Variants in RAB3GAP1 observed in about 807,000 individuals in gnomAD.
RAB3GAP1 encodes rab3 GTPase-activating protein catalytic subunit.
In RAB3GAP1, 86 loss-of-function variants were observed where a neutral mutation model predicts 130.7. The observed-to-expected ratio is 0.66, with a 90% confidence interval of 0.55 to 0.79. The LOEUF is 0.79. RAB3GAP1 is among the 30% of genes least tolerant of loss of function. RAB3GAP1 has a pLI of 0.00. For missense variants in RAB3GAP1, 1,029 were observed against 1,169.4 expected, an observed-to-expected ratio of 0.88 and a Z score of 1.75; for synonymous variants, 367 against 401.7, an observed-to-expected ratio of 0.91 and a Z score of 1.03.
At chr2:135,058,589 T>A (rs1689085781) in intron 3 of RAB3GAP1, 1 of 152,220 alleles carries the variant, frequency 6.6e-6, no homozygotes, top group Non-Finnish European at 1.5e-5. Flanking sequence ...CTTTTAAGCT[T>A]TTTAACTTAT....
chr2:135,060,999 C>T (rs951663702), intron 3 of RAB3GAP1, among the ~76,000 whole-genome samples: 1 of 134,642 alleles, frequency 7.4e-6, no homozygotes, highest in Non-Finnish European at 1.5e-5. Flanking sequence ...CCACTGGGCC[C>T]AGCCTTTTTT....
rs758732726 is a variant in RAB3GAP1, at chr2:135,126,550, T to A, written c.900-33T>A. ...TCATGAATCTTGCAGATTGTCATAA[T>A]TAGGATTTTATATTTATTGGTTTGC... is the stretch of plus-strand genomic sequence containing the variant. On this transcript the variant is annotated intron_variant, in intron 10 of 23. Coordinates refer to ENST00000264158, the MANE Select transcript of RAB3GAP1 (RefSeq NM_012233.3). 5 of 1,544,738 alleles carry A rather than the reference T, an allele frequency of 3.2e-6. No individual in the cohort carries two copies. In the African/African-American group the frequency reaches 5.5e-5, roughly 17 times the overall value.
At chr2:135,085,435 C>T (rs930873211) in intron 3 of RAB3GAP1, among the ~76,000 whole-genome samples, 3 of 152,004 alleles carry the variant, frequency 2.0e-5, no homozygotes, top group Admixed American at 6.6e-5. Context: ...AAGATAACCA[C>T]GTGGAAGAAG....
intron 3 of RAB3GAP1, among the ~76,000 whole-genome samples, chr2:135,064,392 G>C (rs72976392): frequency 0.039 from 5,947 of 151,864 alleles, 404 homozygotes; most frequent in African/African-American, 0.14. Flanking sequence ...TTTTCTCTCT[G>C]TTCCTTAGGT....
chr2:135,109,701 C>T (rs1476797632), intron 5 of RAB3GAP1, among the ~76,000 whole-genome samples: 2 of 152,042 alleles, frequency 1.3e-5, no homozygotes. Context: ...CCTGCCTCAG[C>T]CTCCTGAGTA....
At chr2:135,069,348 C>CT (rs1358887551) in intron 3 of RAB3GAP1, among the ~76,000 whole-genome samples, 1 of 152,072 alleles carries the variant, frequency 6.6e-6, no homozygotes, top group Admixed American at 6.6e-5. Context: ...GGTCTTGTAC[C>CT]TTTTAAAATA....
chr2:135,154,436 G>C (rs905435147), intron 19 of RAB3GAP1, among the ~76,000 whole-genome samples: 1 of 151,964 alleles, frequency 6.6e-6, no homozygotes, highest in African/African-American at 2.4e-5. Context: ...AGAAAATCCC[G>C]TGAAATCAAT....
intron 17 of RAB3GAP1, among the ~76,000 whole-genome samples, chr2:135,137,824 T>G (rs72978381): frequency 0.046 from 6,938 of 151,962 alleles, 530 homozygotes; most frequent in African/African-American, 0.16. Context: ...GTTTTGTTTT[T>G]TTTTTGTTGT....
intron 23 of RAB3GAP1, among the ~76,000 whole-genome samples, 191 bp from the exon 24 acceptor site, chr2:135,168,354 A>C (rs559295497): frequency 6.6e-6 from 1 of 152,338 alleles, no homozygotes; most frequent in African/African-American, 2.4e-5. Flanking sequence ...CCGGCTGCTC[A>C]TGCAGTGTCT....
chr2:135,054,642 A>G (rs1688962991), intron 2 of RAB3GAP1, among the ~76,000 whole-genome samples: 1 of 152,240 alleles, frequency 6.6e-6, no homozygotes, highest in South Asian at 2.1e-4. Context: ...AGGTAGTTAG[A>G]AAAATGTAAT....
At chr2:135,161,242 T>C (rs1056913149) in intron 19 of RAB3GAP1, among the ~76,000 whole-genome samples, 1 of 152,148 alleles carries the variant, frequency 6.6e-6, no homozygotes, top group South Asian at 2.1e-4. Context: ...CCAGGAAATA[T>C]GTGCAATAAT....
At chr2:135,106,465 G>T (rs575006813) in intron 5 of RAB3GAP1, among the ~76,000 whole-genome samples, 3 of 152,218 alleles carry the variant, frequency 2.0e-5, no homozygotes, top group Non-Finnish European at 2.9e-5. Context: ...CCCCCAACCC[G>T]TGCTCTCTGA....
At chr2:135,059,035 A>G (rs1438255839) in intron 3 of RAB3GAP1, 3 of 152,112 alleles carry the variant, frequency 2.0e-5, no homozygotes, top group African/African-American at 7.2e-5. Flanking sequence ...GCCAGGCAAC[A>G]TGGTGAGACC....
At chr2:135,098,562 A>G (rs1438936930) in intron 5 of RAB3GAP1, among the ~76,000 whole-genome samples, 1 of 152,076 alleles carries the variant, frequency 6.6e-6, no homozygotes, top group East Asian at 1.9e-4. Flanking sequence ...TGAGGGTGAA[A>G]GCAGCTGTTT....
intron 18 of RAB3GAP1, chr2:135,152,880 C>T (rs1558801322): frequency 6.6e-6 from 1 of 152,284 alleles, no homozygotes; most frequent in Non-Finnish European, 1.5e-5. Context: ...TGGGAAGCCT[C>T]GTCTTTTTTT....
Position 135,162,798 on chromosome 2 carries a change from T to G in RAB3GAP1, c.2437T>G (p.Ser813Ala). Residue 813 changes from serine to alanine, a missense_variant, in exon 21 of 24, where the codon TCC becomes GCC. Physicochemically the swap from Ser to Ala is moderately conservative, Grantham distance 99. Around this residue, in one of 3 missense-constraint regions of RAB3GAP1, gnomAD observed 373 missense variants for 493.6 expected, o/e 0.76. Transcript: ENST00000264158. ...SVKKIIKQII[S>A]HSSKVLHFPN... The stretch of plus-strand genomic sequence containing the variant: ...TAAGAAGATCATAAAGCAGATAATA[T>G]CCCATTCCAGTAAAGTTTTGCACTT... The G allele has an allele frequency of 4.3e-6, 7 of 1,613,876 alleles. No individual in the cohort carries two copies. Among genetic ancestry groups the G allele is most frequent in the Non-Finnish European group, 5.9e-6 (7 of 1,179,766 alleles).
At chr2:135,097,002 A>G (rs1690315463) in intron 5 of RAB3GAP1, among the ~76,000 whole-genome samples, 1 of 152,110 alleles carries the variant, frequency 6.6e-6, no homozygotes, top group South Asian at 2.1e-4. Flanking sequence ...TAACCTTTCC[A>G]TTTACTTTTA....
intron 3 of RAB3GAP1, among the ~76,000 whole-genome samples, chr2:135,086,855 A>G (rs1441082164): frequency 6.6e-6 from 1 of 151,410 alleles, no homozygotes; most frequent in African/African-American, 2.4e-5. Context: ...TTTTGTAGAG[A>G]CAGGGTCTTG....
At chr2:135,106,153 T>C (rs1027737930) in intron 5 of RAB3GAP1, among the ~76,000 whole-genome samples, 4 of 141,412 alleles carry the variant, frequency 2.8e-5, no homozygotes, top group Non-Finnish European at 4.6e-5. Flanking sequence ...GGTGCCTCCG[T>C]CCGGCCGCCG....
Sources: allele counts gnomAD v4.1 joint callset (sites outside exome capture counted in the v4.1 genomes callset), GRCh38; gene constraint gnomAD v4.1.1; regional missense constraint gnomAD v4.1.1; transcripts MANE v1.5; gene names NCBI Gene and HGNC (gene_info 2026-07-23, HGNC 2026-07-21).